ENO4: variants seen among roughly 807,000 people sequenced by gnomAD.
ENO4 encodes enolase 4.
ENO4 carries 53 observed loss-of-function variants against 63.2 expected under a neutral mutation model. That is an observed-to-expected ratio of 0.84 (90% CI 0.67 to 1.05). The LOEUF is 1.05. Ranked by LOEUF, ENO4 falls within the 50% of genes least tolerant of loss-of-function variation. ENO4 has a pLI of 0.00. For missense variants in ENO4, 719 were observed against 772.0 expected (o/e 0.93, Z 0.81); for synonymous variants, 266 against 283.8 (o/e 0.94, Z 0.63).
At position 116,862,981 on chromosome 10, in the gene ENO4, C is replaced by T; in HGVS notation, c.990+129C>T. 3 of 687,026 alleles carry T rather than the reference C, an allele frequency of 4.4e-6. No individual in the cohort carries two copies. The South Asian group carries it at 5.4e-5, about 12-fold the overall frequency. 42.6% of individuals were successfully genotyped at this position (687,026 alleles called of 1,614,324 possible). A position where few individuals can be genotyped will look rare whatever the true frequency, so the allele number is the denominator to read the frequency against. On this transcript the variant is annotated intron_variant, in intron 7 of 13. Coordinates refer to ENST00000341276, the MANE Select transcript of ENO4 (RefSeq NM_001242699.2). ...GAATGTATTTATTGGCTTTGGGTTTCCCCCAAGAACCAAGTGTATCCATGT... is the reference window on the plus strand; with the variant it reads ...GAATGTATTTATTGGCTTTGGGTTTTCCCCAAGAACCAAGTGTATCCATGT...
At chr10:116,900,588 A>G in intron 10 of ENO4, 1 of 1,531,854 alleles carries the variant, frequency 6.5e-7, no homozygotes, top group African/African-American at 1.4e-5. Flanking sequence ...ACACTGAAGC[A>G]TTTATCAGAA....
chr10:116,879,725 AC>A (rs1846944697), intron 12 of ENO4, 143 bp from the exon 13 acceptor site: 1 of 665,836 alleles, frequency 1.5e-6, no homozygotes, highest in African/African-American at 1.8e-5. Context: ...CTTGTAGGCC[AC>A]TGTGCTTACA....
At chr10:116,861,234 A>AT (rs1491202440) in intron 6 of ENO4, 44 bp downstream of exon 6, 4,510 of 402,932 alleles carry the variant, frequency 0.011, 53 homozygotes, top group Non-Finnish European at 0.013. Context: ...AAAAAAAAAA[A>AT]AAATATATAT....
Position 116,860,866 on chromosome 10 carries a change from T to C in ENO4, c.707T>C (p.Met236Thr), listed in dbSNP as rs780446724. 3.2e-5 allele frequency: 49 copies of C among 1,549,592 alleles called. No individual in the cohort carries two copies. Among genetic ancestry groups the C allele is most frequent in the Non-Finnish European group, 4.1e-5 (47 of 1,146,284 alleles). Residue 236 changes from methionine to threonine, a missense_variant, in exon 5 of 14, where the codon ATG becomes ACG. Transcript: ENST00000341276. The part of the protein sequence containing the change: ...EPVEPVLSGS[M>T]AIGAVSLAVA... Reference sequence around the variant, plus strand: ...GTTGAGCCTGTACTCAGTGGCAGTATGGCCATAGGGGCCGTGTCACTAGCT... The same window carrying C: ...GTTGAGCCTGTACTCAGTGGCAGTACGGCCATAGGGGCCGTGTCACTAGCT...
intron 4 of ENO4, 27 bp downstream of exon 4, chr10:116,859,165 T>A: frequency 6.7e-7 from 1 of 1,503,480 alleles, no homozygotes; most frequent in African/African-American, 1.4e-5. Flanking sequence ...TCTTGCAGAG[T>A]CGTTAGTAAC....
chr10:116,893,641 G>C (rs1847417943), intron 10 of ENO4, among the ~76,000 whole-genome samples: 1 of 136,164 alleles, frequency 7.3e-6, no homozygotes, highest in Non-Finnish European at 1.6e-5. Flanking sequence ...AAATGGTGGG[G>C]GTGGGAGTAT....
At chr10:116,864,450 G>C (rs918177733) in intron 7 of ENO4, 1 of 151,888 alleles carries the variant, frequency 6.6e-6, no homozygotes. Flanking sequence ...ACTCCAGCCT[G>C]GGCAACAAGA....
intron 8 of ENO4, among the ~76,000 whole-genome samples, chr10:116,869,651 G>A (rs1846637036): frequency 6.6e-6 from 1 of 152,222 alleles, no homozygotes; most frequent in Non-Finnish European, 1.5e-5. Context: ...AAGAGGTGGA[G>A]ATGGTAAACA....
chr10:116,895,574 A>T (rs1847489673), intron 10 of ENO4, among the ~76,000 whole-genome samples: 1 of 152,180 alleles, frequency 6.6e-6, no homozygotes, highest in Non-Finnish European at 1.5e-5. Flanking sequence ...GAAACTACCT[A>T]TGAGTATGCA....
chr10:116,909,837 T>C (rs892862037), intron 10 of ENO4, among the ~76,000 whole-genome samples: 1 of 152,192 alleles, frequency 6.6e-6, no homozygotes, highest in Non-Finnish European at 1.5e-5. Context: ...ACTGAGCTTC[T>C]TTCTGGTTCT....
At chr10:116,857,041 AT>A (rs1229235061) in intron 3 of ENO4, among the ~76,000 whole-genome samples, 1 of 151,868 alleles carries the variant, frequency 6.6e-6, no homozygotes, top group East Asian at 1.9e-4. Context: ...TTATCTTTCC[AT>A]TTCACCTGCC....
rs960167008 is a variant in ENO4, at chr10:116,875,254, C to A, written c.1342-811C>A. Reference sequence around the variant, plus strand: ...GGTCTCAGTCACATCCTCCTTTTCACAACCTCCATTCTACACCAGCATACA... The same window carrying A: ...GGTCTCAGTCACATCCTCCTTTTCAAAACCTCCATTCTACACCAGCATACA... On this transcript the variant is annotated intron_variant, in intron 10 of 13. Coordinates refer to ENST00000341276, the MANE Select transcript of ENO4 (RefSeq NM_001242699.2). 4.6e-5 allele frequency among the ~76,000 whole-genome samples: 7 copies of A among 152,130 alleles called. No homozygotes were observed. In the East Asian group the frequency reaches 1.2e-3, roughly 25 times the overall value.
chr10:116,892,095 G>C (rs1253285008), intron 10 of ENO4, among the ~76,000 whole-genome samples: 1 of 152,180 alleles, frequency 6.6e-6, no homozygotes. Flanking sequence ...GCTGGGCAAA[G>C]ATCTATGTCT....
downstream of ENO4, chr10:116,886,470 G>C (rs767339763): frequency 1.9e-6 from 3 of 1,614,010 alleles, no homozygotes; most frequent in Admixed American, 1.7e-5. Context: ...CTTTGGTTTG[G>C]GGTTCATGTG....
At chr10:116,880,535 A>T (rs1028545504) in intron 13 of ENO4, among the ~76,000 whole-genome samples, 5 of 152,178 alleles carry the variant, frequency 3.3e-5, no homozygotes, top group Non-Finnish European at 7.3e-5. Context: ...TTATTTTCTT[A>T]TATTACTGAT....
In ENO4 at chr10:116,868,676, A is replaced by T; in HGVS notation, c.1017A>T (p.Lys339Asn). The change falls in exon 8 of 14, where the codon AAA becomes AAT. Residue 339 changes from lysine (K) to asparagine (N), a missense_variant. Lys to Asn is a moderately conservative substitution (Grantham distance 94, BLOSUM62 0). Transcript: ENST00000341276. Reference sequence around the variant, plus strand: ...CCTCTCCTCCAAAAGCAGAGACAAAAAAAGGGCACGATGGAAGCAAAAGAG... The same window carrying T: ...CCTCTCCTCCAAAAGCAGAGACAAATAAAGGGCACGATGGAAGCAAAAGAG... ...EMPSPPKAET[K>N]KGHDGSKRGQ... is the part of the protein sequence containing the mutation. 1.3e-6 allele frequency: 2 copies of T among 1,550,572 alleles called. No homozygotes were observed. Among genetic ancestry groups the T allele is most frequent in the Non-Finnish European group, 1.7e-6 (2 of 1,146,988 alleles).
At position 116,901,534 on chromosome 10, in the gene ENO4, A is replaced by G. The variant is rs960681330; in HGVS notation, c.1195-9965A>G. Reference sequence around the variant, plus strand: ...TTGTGTAGAAGAACCTGATTACCAAACCAGTTTAGGGGAAGTAATTCTCTT... The same window carrying G: ...TTGTGTAGAAGAACCTGATTACCAAGCCAGTTTAGGGGAAGTAATTCTCTT... On this transcript the variant is annotated intron_variant, in intron 10 of 10. Coordinates refer to the ENO4 transcript ENST00000369207. The G allele has an allele frequency of 3.0e-6, 3 of 985,168 alleles. No individual in the cohort carries two copies. In the African/African-American group the frequency reaches 5.2e-5, roughly 17 times the overall value. 61.0% of individuals were successfully genotyped at this position (985,168 alleles called of 1,614,324 possible).
chr10:116,861,239 A>T (rs1286597112), intron 6 of ENO4, 49 bp downstream of exon 6: 2 of 341,746 alleles, frequency 5.9e-6, no homozygotes, highest in African/African-American at 7.3e-5. Context: ...AAAAAAAAAT[A>T]TATATATATA....
intron 3 of ENO4, 125 bp downstream of exon 3, chr10:116,856,807 G>T (rs1846274141): frequency 2.7e-6 from 2 of 747,324 alleles, no homozygotes; most frequent in Non-Finnish European, 2.0e-6. Flanking sequence ...CGAGACCACG[G>T]TGAAACCCAG....
Sources: allele counts gnomAD v4.1 joint callset (sites outside exome capture counted in the v4.1 genomes callset), GRCh38; gene constraint gnomAD v4.1.1; transcripts MANE v1.5; gene names NCBI Gene and HGNC (gene_info 2026-07-23, HGNC 2026-07-21).